SPRED2: variants seen among roughly 807,000 people sequenced by gnomAD.
SPRED2 encodes sprouty-related, EVH1 domain-containing protein 2.
In SPRED2, 47 loss-of-function variants were observed where a neutral mutation model predicts 43.0. The observed-to-expected ratio is 1.09, with a 90% CI of 0.87 to 1.40. The LOEUF (loss-of-function observed/expected upper bound fraction) is 1.40, where lower values mean the gene tolerates loss of function less well. Among genes scored for constraint, SPRED2 ranks in the 40% most tolerant of loss-of-function variants. The pLI is 0.00. For synonymous variants in SPRED2, 225 were observed against 225.7 expected, an observed-to-expected ratio of 1.00 and a Z score of 0.03; for missense variants, 561 against 586.4, an observed-to-expected ratio of 0.96 and a Z score of 0.45.
At position 65,314,188 on chromosome 2, in the gene SPRED2, G is replaced by A; in HGVS notation, c.589-19C>T. On this transcript the variant is annotated intron_variant, in intron 5 of 5. Transcript: ENST00000356388. ...GCATCGGCTGTCCCGTAGGAGAGGA[G>A]ACATTATTTTACAGCAGCGGCCAAA... 1 of 1,553,164 alleles carries A rather than the reference G, an allele frequency of 6.4e-7. No homozygotes were observed. The highest frequency in any genetic ancestry group is 1.2e-5 in the South Asian group (1 of 83,636).
chr2:65,396,422 T>A (rs1283566270), intron 1 of SPRED2, among the ~76,000 whole-genome samples: 1 of 152,228 alleles, frequency 6.6e-6, no homozygotes, highest in African/African-American at 2.4e-5. Flanking sequence ...GCTTGCCCTA[T>A]GTCCTACACT....
intron 1 of SPRED2, among the ~76,000 whole-genome samples, chr2:65,413,114 G>C (rs1444164216): frequency 6.6e-6 from 1 of 152,192 alleles, no homozygotes; most frequent in East Asian, 1.9e-4. Flanking sequence ...AAATTGTCCA[G>C]CAAGTGACCA....
chr2:65,431,953 CA>C lies in SPRED2; in HGVS notation c.26+8del, dbSNP rs748973817. 6.2e-7 allele frequency: 1 copy of C among 1,613,984 alleles called. No individual in the cohort carries two copies. Among genetic ancestry groups the C allele is most frequent in the Non-Finnish European group, 8.5e-7 (1 of 1,179,984 alleles). On this transcript the variant is annotated splice_region_variant and intron_variant, in intron 1 of 5. Transcript: ENST00000356388. ...GGGCACCCTCGTCCCACCCCGCGACCAAACTTACTCGTCTGGGTGTGTTTCT... is the reference window on the plus strand; with the variant it reads ...GGGCACCCTCGTCCCACCCCGCGACCAACTTACTCGTCTGGGTGTGTTTCT...
intron 2 of SPRED2, among the ~76,000 whole-genome samples, chr2:65,336,814 G>C (rs1319301842): frequency 2.0e-5 from 3 of 152,106 alleles, no homozygotes; most frequent in Non-Finnish European, 4.4e-5. Context: ...TCTTAGAAAA[G>C]TTTAAGTAAA....
At position 65,312,875 on chromosome 2, in the gene SPRED2, C is replaced by T. The variant is rs1673108181; in HGVS notation, c.*626G>A. ...AATGATGATGGGCTAAAGATAGAAA[C>T]TGCAGCTTACATGGGAAATTTGGCT... On this transcript the variant is annotated 3_prime_UTR_variant, in exon 6 of 6. Coordinates refer to ENST00000356388, the MANE Select transcript of SPRED2 (RefSeq NM_181784.3). The T allele has an allele frequency of 4.1e-6, 4 of 985,844 alleles. No individual in the cohort carries two copies. Among genetic ancestry groups the T allele is most frequent in the Non-Finnish European group, 4.8e-6 (4 of 829,926 alleles). 61.1% of individuals were successfully genotyped at this position (985,844 alleles called of 1,614,324 possible).
chr2:65,384,142 C>G lies in SPRED2; in HGVS notation c.27-39246G>C, dbSNP rs182480985. On this transcript the variant is annotated intron_variant, in intron 1 of 5. Transcript: ENST00000356388. ...CACCTGCAACGGCCGCTCTCGGCCT[C>G]CTTCCCAGTGCCCAGAGCCGGCCTA... Among the ~76,000 whole-genome samples the G allele has an allele frequency of 3.8e-3, 585 of 152,166 alleles. 2 individuals are homozygous for G. The highest frequency in any genetic ancestry group is 5.6e-3 in the Non-Finnish European group (383 of 68,004).
intron 1 of SPRED2, among the ~76,000 whole-genome samples, chr2:65,356,773 C>T (rs1037451343): frequency 1.3e-5 from 2 of 151,940 alleles, no homozygotes; most frequent in Admixed American, 1.3e-4. Flanking sequence ...GGGCAGATCA[C>T]CTGAGGTCAG....
At chr2:65,348,242 C>T (rs1274204437) in intron 1 of SPRED2, among the ~76,000 whole-genome samples, 3 of 152,184 alleles carry the variant, frequency 2.0e-5, no homozygotes, top group African/African-American at 7.2e-5. Flanking sequence ...TCAGAGAGGA[C>T]TTCCCTGCCC....
At chr2:65,420,075 T>C (rs1676385319) in intron 1 of SPRED2, among the ~76,000 whole-genome samples, 1 of 151,850 alleles carries the variant, frequency 6.6e-6, no homozygotes, top group Non-Finnish European at 1.5e-5. Context: ...CTGGGCGTGG[T>C]GGCGCTTGCC....
chr2:65,410,635 T>A (rs992675919), intron 1 of SPRED2, among the ~76,000 whole-genome samples: 6 of 151,766 alleles, frequency 4.0e-5, no homozygotes, highest in African/African-American at 1.5e-4. Context: ...GGTGGGCGCC[T>A]GTAGTCCCAG....
At chr2:65,418,469 G>A (rs145618408) in intron 1 of SPRED2, among the ~76,000 whole-genome samples, 122 of 152,268 alleles carry the variant, frequency 8.0e-4, no homozygotes, top group African/African-American at 2.6e-3. Flanking sequence ...AGTCCTCAAA[G>A]ACTCAAGACT....
intron 1 of SPRED2, among the ~76,000 whole-genome samples, chr2:65,381,852 G>A (rs937951378): frequency 6.6e-6 from 1 of 152,202 alleles, no homozygotes; most frequent in East Asian, 1.9e-4. Context: ...ATTACTTGGG[G>A]GCTTTCAGAC....
At chr2:65,339,082 G>C (rs1228207477) in intron 2 of SPRED2, among the ~76,000 whole-genome samples, 1 of 110,534 alleles carries the variant, frequency 9.0e-6, no homozygotes, top group African/African-American at 4.1e-5. Context: ...CAGCCGCTCC[G>C]TCCGGGAGGG....
chr2:65,349,276 G>GAT (rs1221690458), intron 1 of SPRED2, among the ~76,000 whole-genome samples: 1 of 116,016 alleles, frequency 8.6e-6, no homozygotes, highest in Non-Finnish European at 1.6e-5. Context: ...AGTGAGCAGA[G>GAT]ATCAGCCTGG....
At chr2:65,401,959 A>G (rs1487020407) in intron 1 of SPRED2, among the ~76,000 whole-genome samples, 1 of 151,042 alleles carries the variant, frequency 6.6e-6, no homozygotes, top group Non-Finnish European at 1.5e-5. Flanking sequence ...ACACACACAC[A>G]CACACACACA....
intron 1 of SPRED2, among the ~76,000 whole-genome samples, chr2:65,361,464 C>G (rs1018417765): frequency 2.0e-5 from 3 of 152,210 alleles, no homozygotes; most frequent in African/African-American, 7.2e-5. Context: ...TTCCTCTAAT[C>G]CTTAGGCAGT....
rs1167654312 is a variant in SPRED2, at chr2:65,402,092, A to G, written c.26+29870T>C. 2.6e-5 allele frequency among the ~76,000 whole-genome samples: 4 copies of G among 151,792 alleles called. No homozygotes were observed. In the East Asian group the frequency reaches 7.8e-4, roughly 30 times the overall value. On this transcript the variant is annotated intron_variant, in intron 1 of 5. Transcript: ENST00000356388. ...CAGGAGTTTGAAAGCAGCCTGGGCA[A>G]CATGGCAAAACCCCATCTCTACTAA... is the stretch of plus-strand genomic sequence containing the variant.
At chr2:65,328,071 GAAGT>G (rs1196011821) in intron 4 of SPRED2, among the ~76,000 whole-genome samples, 3 of 152,122 alleles carry the variant, frequency 2.0e-5, no homozygotes, top group Non-Finnish European at 2.9e-5. Flanking sequence ...AAACTTTGTA[GAAGT>G]AATTTATATT....
chr2:65,401,405 A>G (rs1366655867), intron 1 of SPRED2, among the ~76,000 whole-genome samples: 1 of 152,162 alleles, frequency 6.6e-6, no homozygotes, highest in Admixed American at 6.5e-5. Context: ...ATGCATATCA[A>G]ATGTTTACAA....
Sources: gnomAD v4.1 joint callset for allele counts (sites outside exome capture counted in the v4.1 genomes callset) on GRCh38, gnomAD v4.1.1 for gene constraint, MANE v1.5 for transcripts, NCBI Gene and HGNC (gene_info 2026-07-23, HGNC 2026-07-21) for gene names.